Variants in KAZN observed in about 807,000 individuals in gnomAD.
KAZN encodes the protein kazrin, periplakin interacting protein.
Under a neutral mutation model 87.4 loss-of-function variants are expected in KAZN, and 40 were observed. The ratio of observed to expected loss-of-function variants is 0.46; its 90% CI spans 0.36 to 0.60. The LOEUF (loss-of-function observed/expected upper bound fraction) is 0.60, where lower values mean the gene tolerates loss of function less well. Among genes scored for constraint, KAZN ranks in the 20% least tolerant of loss-of-function variants. KAZN has a pLI of 0.00. For missense variants in KAZN, 898 were observed against 1,073.9 expected, an observed-to-expected ratio of 0.84 and a Z score of 2.29; for synonymous variants, 466 against 458.3, an observed-to-expected ratio of 1.02 and a Z score of -0.22.
At chr1:14,418,802 TAC>T (rs1334993265) in intron 2 of KAZN, among the ~76,000 whole-genome samples, 1 of 152,224 alleles carries the variant, frequency 6.6e-6, no homozygotes, top group Non-Finnish European at 1.5e-5. Context: ...GAAATTCGCC[TAC>T]AGAGAATCCC....
chr1:14,338,008 G>C (rs894236098), intron 2 of KAZN, among the ~76,000 whole-genome samples: 7 of 151,850 alleles, frequency 4.6e-5, no homozygotes, highest in Non-Finnish European at 7.4e-5. Context: ...TTTGCTCATA[G>C]AAGGTAATTT....
intron 1 of KAZN, among the ~76,000 whole-genome samples, chr1:14,085,199 A>G (rs1026610940): frequency 6.6e-6 from 1 of 152,116 alleles, no homozygotes; most frequent in African/African-American, 2.4e-5. Context: ...ACTATTTTGA[A>G]CTCATTGTAA....
At chr1:14,988,975 C>A (rs1056452247) in intron 2 of KAZN, among the ~76,000 whole-genome samples, 1 of 152,192 alleles carries the variant, frequency 6.6e-6, no homozygotes, top group African/African-American at 2.4e-5. Context: ...GTTTGTCCCT[C>A]GTTGTGCCAC....
At chr1:13,970,896 G>T (rs1642113483) in intron 1 of KAZN, among the ~76,000 whole-genome samples, 1 of 152,156 alleles carries the variant, frequency 6.6e-6, no homozygotes, top group African/African-American at 2.4e-5. Flanking sequence ...ATGAAGAAAA[G>T]ACCTTCAGGC....
chr1:14,101,897 G>C (rs1644262558), intron 1 of KAZN, among the ~76,000 whole-genome samples: 1 of 152,112 alleles, frequency 6.6e-6, no homozygotes, highest in African/African-American at 2.4e-5. Context: ...GGCCCCAGCT[G>C]AATTAGCCCA....
chr1:14,972,576 C>T (rs1337306589), intron 2 of KAZN, among the ~76,000 whole-genome samples: 2 of 151,292 alleles, frequency 1.3e-5, no homozygotes, highest in Non-Finnish European at 2.9e-5. Context: ...AGTGCAATGG[C>T]ACAATCTCAG....
chr1:14,802,433 T>C (rs1646065729), intron 1 of KAZN, among the ~76,000 whole-genome samples: 1 of 150,096 alleles, frequency 6.7e-6, no homozygotes, highest in African/African-American at 2.5e-5. Flanking sequence ...ATTGGGACAA[T>C]TTTGCCACCC....
intron 2 of KAZN, among the ~76,000 whole-genome samples, chr1:14,297,265 G>A (rs764354006): frequency 1.3e-5 from 2 of 152,128 alleles, no homozygotes; most frequent in African/African-American, 4.8e-5. Flanking sequence ...GATAAGTGCC[G>A]TGTTTTTATG....
At position 15,056,450 on chromosome 1, in the gene KAZN, T is replaced by G. The variant is rs1638286415; in HGVS notation, c.916+170T>G. ...AAATCTAAGAGATGGACAGCAGGCA[T>G]AGCTGGATCCAGAGGTTCAAACACT... On this transcript the variant is annotated intron_variant, in intron 5 of 14. Coordinates refer to ENST00000376030, the MANE Select transcript of KAZN (RefSeq NM_201628.3). This position sits in a 1 kb window ranked among gnomAD's most constrained non-coding sequence, Gnocchi z 5.4. Among the ~76,000 whole-genome samples the G allele has an allele frequency of 6.6e-6, 1 of 152,202 alleles. No individual in the cohort carries two copies. Among genetic ancestry groups the G allele is most frequent in the African/African-American group, 2.4e-5 (1 of 41,458 alleles).
chr1:14,736,254 G>GGGGGGT (rs780407996), intron 1 of KAZN, among the ~76,000 whole-genome samples: 8 of 115,312 alleles, frequency 6.9e-5, no homozygotes, highest in Non-Finnish European at 1.3e-4. Context: ...GGGACTCAAG[G>GGGGGGT]GTGTGTGTGT....
intron 1 of KAZN, among the ~76,000 whole-genome samples, chr1:14,697,090 T>C (rs1381164921): frequency 3.5e-5 from 5 of 144,038 alleles, no homozygotes; most frequent in Non-Finnish European, 6.0e-5. Context: ...CCAGGAGTTT[T>C]AGACCAACCT....
chr1:14,163,818 C>T (rs1227343196), intron 1 of KAZN, among the ~76,000 whole-genome samples: 1 of 152,224 alleles, frequency 6.6e-6, no homozygotes, highest in African/African-American at 2.4e-5. Context: ...CTACTTTCTG[C>T]ATCACCACAG....
chr1:13,994,603 G>C (rs2101120501), intron 1 of KAZN, among the ~76,000 whole-genome samples: 1 of 152,282 alleles, frequency 6.6e-6, no homozygotes, highest in African/African-American at 2.4e-5. Context: ...TTCCTAGGAA[G>C]TTTATAGTCT....
At chr1:14,126,358 C>T (rs377711357) in intron 1 of KAZN, among the ~76,000 whole-genome samples, 3 of 150,040 alleles carry the variant, frequency 2.0e-5, no homozygotes, top group South Asian at 4.3e-4. Context: ...TCCCCTCCCC[C>T]CCCCCGTCAA....
chr1:14,529,023 G>T (rs889394114), intron 2 of KAZN, among the ~76,000 whole-genome samples: 2 of 151,964 alleles, frequency 1.3e-5, no homozygotes, highest in Admixed American at 1.3e-4. Context: ...TTGTCTTTCG[G>T]CCCGGCGCGG....
chr1:14,694,571 G>C (rs564004464), intron 1 of KAZN, among the ~76,000 whole-genome samples: 1 of 152,310 alleles, frequency 6.6e-6, no homozygotes, highest in African/African-American at 2.4e-5. Flanking sequence ...TGAATCTTCT[G>C]CTCTTATCAA....
At chr1:14,118,897 A>G (rs766504803) in intron 1 of KAZN, among the ~76,000 whole-genome samples, 5 of 152,218 alleles carry the variant, frequency 3.3e-5, no homozygotes, top group Non-Finnish European at 7.3e-5. Context: ...CAAGGGTTTT[A>G]AAAGAATGCG....
chr1:13,975,008 T>C (rs1638257681), intron 1 of KAZN, among the ~76,000 whole-genome samples: 1 of 152,248 alleles, frequency 6.6e-6, no homozygotes, highest in Non-Finnish European at 1.5e-5. Flanking sequence ...TGTTGTTTTC[T>C]AGTTGTTCAT....
intron 1 of KAZN, among the ~76,000 whole-genome samples, chr1:13,931,267 G>A (rs1417557507): frequency 6.6e-6 from 1 of 152,152 alleles, no homozygotes; most frequent in Non-Finnish European, 1.5e-5. Context: ...AATGGTCCAG[G>A]TACATGGCTA....
Sources: allele counts gnomAD v4.1 joint callset (sites outside exome capture counted in the v4.1 genomes callset), GRCh38; gene constraint gnomAD v4.1.1; non-coding constraint Gnocchi (gnomAD v3.1); transcripts MANE v1.5; gene names NCBI Gene and HGNC (gene_info 2026-07-23, HGNC 2026-07-21).